The following VPS41 variants were observed in gnomAD, a reference collection of about 807,000 sequenced individuals.
VPS41 encodes the protein vacuolar protein sorting-associated protein 41 homolog.
In VPS41, 85 loss-of-function variants were observed where a neutral mutation model predicts 130.9. The ratio of observed to expected loss-of-function variants is 0.65; its 90% CI spans 0.55 to 0.78. VPS41 has a LOEUF of 0.78. Ranked by LOEUF, VPS41 falls within the 30% of genes least tolerant of loss-of-function variation. The probability of loss-of-function intolerance (pLI) is 0.00; values close to 1 mark genes in which losing one functional copy is unlikely to be tolerated. For synonymous variants in VPS41, 335 were observed against 332.9 expected (o/e 1.01, Z -0.07); for missense variants, 874 against 1,018.7 (o/e 0.86, Z 1.93).
intron 25 of VPS41, among the ~76,000 whole-genome samples, chr7:38,734,811 A>G (rs927702305): frequency 1.3e-5 from 2 of 152,254 alleles, no homozygotes; most frequent in Admixed American, 6.5e-5. Flanking sequence ...TTAGAACTGC[A>G]AATGACAGAC....
chr7:38,818,900 T>C (rs1464639272), intron 6 of VPS41, among the ~76,000 whole-genome samples: 1 of 152,160 alleles, frequency 6.6e-6, no homozygotes, highest in Non-Finnish European at 1.5e-5. Flanking sequence ...CTTCCTACAA[T>C]GTCATTTTTA....
chr7:38,772,433 A>T, intron 13 of VPS41, 89 bp downstream of exon 13: 1 of 888,958 alleles, frequency 1.1e-6, no homozygotes, highest in Non-Finnish European at 1.7e-6. Flanking sequence ...TACTTTGACT[A>T]CATAAAAGAT....
At chr7:38,797,041 C>T (rs911812138) in intron 7 of VPS41, 177 bp from the exon 8 acceptor site, 3 of 680,428 alleles carry the variant, frequency 4.4e-6, no homozygotes, top group African/African-American at 3.6e-5. Context: ...CCTAGCACAT[C>T]ATATTCTCCC....
chr7:38,886,009 C>T (rs115988417), intron 2 of VPS41, among the ~76,000 whole-genome samples: 3,046 of 152,102 alleles, frequency 0.02, 105 homozygotes, highest in African/African-American at 0.068. Flanking sequence ...AGAAAACCAG[C>T]TTTTTAAAAC....
chr7:38,786,342 T>C (rs921754474), intron 10 of VPS41, among the ~76,000 whole-genome samples: 2 of 152,222 alleles, frequency 1.3e-5, no homozygotes, highest in Non-Finnish European at 2.9e-5. Flanking sequence ...CTGTTTGCAA[T>C]GTATTCAGCA....
intron 25 of VPS41, among the ~76,000 whole-genome samples, chr7:38,735,916 A>C (rs1300938194): frequency 6.6e-6 from 1 of 152,126 alleles, no homozygotes; most frequent in Non-Finnish European, 1.5e-5. Flanking sequence ...TGGGAGGAAC[A>C]GGGCAGGGGA....
Position 38,869,139 on chromosome 7 carries a change from A to G in VPS41, c.168+7T>C. ...TACAGAAGAATCCTCTGAAAGTGCT[A>G]TCTTACCTTGTCATGGACTGTCATG... On this transcript the variant is annotated splice_region_variant and intron_variant, in intron 3 of 28. Coordinates refer to ENST00000310301, the MANE Select transcript of VPS41 (RefSeq NM_014396.4). The G allele has an allele frequency of 5.2e-6, 8 of 1,548,722 alleles. No individual in the cohort carries two copies. Among genetic ancestry groups the G allele is most frequent in the South Asian group, 1.2e-5 (1 of 82,986 alleles).
chr7:38,870,738 T>TAAAAAAAAAAAAAAAAAA (rs1786334268), intron 2 of VPS41, among the ~76,000 whole-genome samples: 1 of 68,488 alleles, frequency 1.5e-5, no homozygotes, highest in Non-Finnish European at 2.3e-5. Flanking sequence ...GACTATATGT[T>TAAAAAAAAAAAAAAAAAA]CAAAAAAAAA....
At chr7:38,895,643 G>A (rs1306648926) in intron 2 of VPS41, among the ~76,000 whole-genome samples, 2 of 152,106 alleles carry the variant, frequency 1.3e-5, no homozygotes, top group Non-Finnish European at 2.9e-5. Flanking sequence ...TTTTTGGTGA[G>A]TAGGTAAGTC....
intron 21 of VPS41, among the ~76,000 whole-genome samples, 194 bp from the exon 22 acceptor site, chr7:38,752,507 T>C (rs913508530): frequency 6.6e-6 from 1 of 152,096 alleles, no homozygotes; most frequent in East Asian, 1.9e-4. Context: ...ATAATTTCTC[T>C]AGAAGGGCCC....
At chr7:38,742,554 C>T (rs778317950) in intron 24 of VPS41, among the ~76,000 whole-genome samples, 11 of 152,052 alleles carry the variant, frequency 7.2e-5, no homozygotes, top group Admixed American at 5.9e-4. Flanking sequence ...CAGGGTCACA[C>T]GGCTAATAAG....
At position 38,728,523 on chromosome 7, in the gene VPS41, T is replaced by C. The variant is rs777152586; in HGVS notation, c.2404+19A>G. On this transcript the variant is annotated intron_variant, in intron 27 of 28. Coordinates refer to ENST00000310301, the MANE Select transcript of VPS41 (RefSeq NM_014396.4). ...ATTAAAATACATGTTTGGGATTTTT[T>C]TGGGGAAAACCTTCTTACCTGATGG... 6.2e-6 allele frequency: 10 copies of C among 1,614,184 alleles called. No individual in the cohort carries two copies. In the South Asian group the frequency reaches 6.6e-5, roughly 11 times the overall value.
intron 9 of VPS41, among the ~76,000 whole-genome samples, chr7:38,794,788 T>C (rs1584399413): frequency 6.6e-6 from 1 of 152,210 alleles, no homozygotes; most frequent in African/African-American, 2.4e-5. Flanking sequence ...TTAGTTTATT[T>C]TGTTCGAATT....
chr7:38,787,405 C>A (rs544738811), intron 10 of VPS41, among the ~76,000 whole-genome samples: 80 of 152,224 alleles, frequency 5.3e-4, no homozygotes, highest in Non-Finnish European at 1.0e-3. Context: ...GGATGCTAGG[C>A]ACAAACCATA....
chr7:38,794,508 T>C (rs1367321086), intron 9 of VPS41, among the ~76,000 whole-genome samples: 1 of 152,256 alleles, frequency 6.6e-6, no homozygotes, highest in Non-Finnish European at 1.5e-5. Context: ...TATATAATAA[T>C]GACAGCTAAC....
At chr7:38,776,057 C>T (rs1030591167) in intron 11 of VPS41, among the ~76,000 whole-genome samples, 3 of 152,236 alleles carry the variant, frequency 2.0e-5, no homozygotes, top group Admixed American at 2.0e-4. Flanking sequence ...CAAAGGGAGA[C>T]TGGGTGTGGA....
In VPS41 at chr7:38,745,604, T is replaced by C. The variant is rs781245565; in HGVS notation, c.1936A>G (p.Ile646Val). 196 of 1,603,838 alleles carry C rather than the reference T, an allele frequency of 1.2e-4. 1 individual carries two copies. In the East Asian group the frequency reaches 4.1e-3, roughly 33 times the overall value. Residue 646 changes from isoleucine to valine, a missense_variant, in exon 23 of 29, where the codon ATC (isoleucine) becomes GTC (valine). Physicochemically the swap from Ile to Val is conservative, Grantham distance 29. Transcript: ENST00000310301. ...THCPLEKALE[I>V]CQQRNFVEET... The stretch of plus-strand genomic sequence containing the variant: ...TCTACAAAGTTTCTCTGTTGACAGA[T>C]CTCAAGAGCCTTCAATTAAAGCAGG...
At chr7:38,752,626 G>A (rs2074655) in intron 21 of VPS41, among the ~76,000 whole-genome samples, 35,923 of 152,048 alleles carry the variant, frequency 0.24, 4,901 homozygotes, top group East Asian at 0.43. Flanking sequence ...ACAATTAAAC[G>A]AGTTGCCATT....
At chr7:38,892,729 T>C (rs1366379414) in intron 2 of VPS41, among the ~76,000 whole-genome samples, 1 of 152,148 alleles carries the variant, frequency 6.6e-6, no homozygotes, top group Non-Finnish European at 1.5e-5. Flanking sequence ...AAAAGAATAA[T>C]CTAAACATAA....
Sources: allele counts gnomAD v4.1 joint callset (sites outside exome capture counted in the v4.1 genomes callset), GRCh38; gene constraint gnomAD v4.1.1; transcripts MANE v1.5; gene names NCBI Gene and HGNC (gene_info 2026-07-23, HGNC 2026-07-21).